EHMT1: variants seen among roughly 807,000 people sequenced by gnomAD.
EHMT1 encodes the protein histone-lysine N-methyltransferase EHMT1.
Under a neutral mutation model 147.2 loss-of-function variants are expected in EHMT1, and 15 were observed. The ratio of observed to expected loss-of-function variants is 0.10; its 90% CI spans 0.07 to 0.16. The LOEUF (loss-of-function observed/expected upper bound fraction) is 0.16, where lower values mean the gene tolerates loss of function less well. Ranked by LOEUF, EHMT1 falls within the 10% of genes least tolerant of loss-of-function variation. The pLI is 1.00. For synonymous variants in EHMT1, 795 were observed against 709.6 expected (o/e 1.12, Z -1.91); for missense variants, 1,587 against 1,772.4 (o/e 0.90, Z 1.88).
intron 8 of EHMT1, among the ~76,000 whole-genome samples, chr9:137,755,208 G>A (rs1349730920): frequency 1.3e-5 from 2 of 152,068 alleles, no homozygotes; most frequent in East Asian, 1.9e-4. Flanking sequence ...CTGTCACCCC[G>A]GGTCCCTCCT....
intron 1 of EHMT1, among the ~76,000 whole-genome samples, chr9:137,668,169 A>G (rs1939897520): frequency 6.6e-6 from 1 of 152,192 alleles, no homozygotes; most frequent in Non-Finnish European, 1.5e-5. Flanking sequence ...CGAGAAGACA[A>G]GGAGTGCTGA....
At chr9:137,802,242 G>C (rs1279501528) in intron 18 of EHMT1, among the ~76,000 whole-genome samples, 2 of 152,184 alleles carry the variant, frequency 1.3e-5, no homozygotes, top group Non-Finnish European at 2.9e-5. Context: ...CCCAAGACGG[G>C]CATAGACACA....
chr9:137,834,207 A>T, intron 25 of EHMT1, 142 bp from the exon 26 acceptor site: 1 of 1,101,032 alleles, frequency 9.1e-7, no homozygotes, highest in East Asian at 2.6e-5. Context: ...CCGCCGCCAC[A>T]GGTCACTGGA....
intron 4 of EHMT1, among the ~76,000 whole-genome samples, chr9:137,737,867 A>G (rs1263659297): frequency 2.0e-5 from 3 of 152,170 alleles, no homozygotes; most frequent in Admixed American, 2.0e-4. Context: ...AAAAAATCCC[A>G]CAACTCAACA....
intron 25 of EHMT1, among the ~76,000 whole-genome samples, chr9:137,819,598 G>C (rs1955227146): frequency 1.6e-5 from 2 of 126,602 alleles, no homozygotes; most frequent in Admixed American, 7.9e-5. Context: ...CGTGTACCGA[G>C]ACTGTAGAGA....
intron 16 of EHMT1, among the ~76,000 whole-genome samples, chr9:137,792,692 C>T (rs895411223): frequency 6.6e-6 from 1 of 152,006 alleles, no homozygotes; most frequent in Non-Finnish European, 1.5e-5. Context: ...GTGACAAGAG[C>T]GAAACTCTGT....
At chr9:137,715,771 C>T (rs554943875) in intron 2 of EHMT1, 1 of 985,376 alleles carries the variant, frequency 1.0e-6, no homozygotes, top group East Asian at 1.1e-4. Context: ...AGTATAAGCC[C>T]TTTTTCTGAC....
At chr9:137,696,960 G>A (rs1055092351) in intron 1 of EHMT1, among the ~76,000 whole-genome samples, 1 of 152,202 alleles carries the variant, frequency 6.6e-6, no homozygotes, top group Non-Finnish European at 1.5e-5. Context: ...CAGGACCCCA[G>A]AGCAGACCAC....
chr9:137,753,550 G>A (rs1949143231), intron 7 of EHMT1, among the ~76,000 whole-genome samples: 1 of 152,206 alleles, frequency 6.6e-6, no homozygotes, highest in Admixed American at 6.5e-5. Flanking sequence ...GTTGGTCAGC[G>A]AGGCCCACGT....
intron 9 of EHMT1, 114 bp from the exon 10 acceptor site, chr9:137,762,561 A>C: frequency 6.4e-7 from 1 of 1,556,812 alleles, no homozygotes; most frequent in Non-Finnish European, 8.7e-7. Flanking sequence ...AATCAACCGC[A>C]TTGCTTTCAT....
At chr9:137,669,213 C>T (rs1589181064) in intron 1 of EHMT1, among the ~76,000 whole-genome samples, 1 of 152,080 alleles carries the variant, frequency 6.6e-6, no homozygotes, top group Non-Finnish European at 1.5e-5. Context: ...ATGTATCCTT[C>T]ATGTCTCGTC....
chr9:137,788,052 C>G (rs1952137866), intron 15 of EHMT1: 1 of 1,364,350 alleles, frequency 7.3e-7, no homozygotes, highest in Non-Finnish European at 1.0e-6. Context: ...CCTGATGGCT[C>G]CCGCTGGCAA....
At chr9:137,679,447 T>C (rs1284825219) in intron 1 of EHMT1, among the ~76,000 whole-genome samples, 1 of 152,096 alleles carries the variant, frequency 6.6e-6, no homozygotes, top group Non-Finnish European at 1.5e-5. Context: ...GTTGCATTCA[T>C]TTGCTGATGT....
chr9:137,821,619 A>T (rs1955429713), intron 25 of EHMT1, among the ~76,000 whole-genome samples: 1 of 152,150 alleles, frequency 6.6e-6, no homozygotes, highest in East Asian at 1.9e-4. Context: ...GGAGTGAGCC[A>T]CTGTGCCCAG....
chr9:137,776,508 A>G lies in EHMT1; in HGVS notation c.1792-110A>G. On this transcript the variant is annotated intron_variant, in intron 11 of 26. Transcript: ENST00000460843. This position sits in a 1 kb window ranked among gnomAD's most constrained non-coding sequence, Gnocchi z 4.4. ...TGGACCCCACCCCGACCCATGGCTC[A>G]CTCTGCAGACCGCCCGATGTGGGAT... 2.7e-6 allele frequency: 3 copies of G among 1,099,800 alleles called. No individual in the cohort carries two copies. Among genetic ancestry groups the G allele is most frequent in the African/African-American group, 1.6e-5 (1 of 64,218 alleles). 68.1% of individuals were successfully genotyped at this position (1,099,800 alleles called of 1,614,324 possible).
At chr9:137,624,307 CTTTTT>C (rs1252295320) in intron 1 of EHMT1, among the ~76,000 whole-genome samples, 1 of 130,810 alleles carries the variant, frequency 7.6e-6, no homozygotes, top group African/African-American at 2.8e-5. Flanking sequence ...TGCCCGGCCT[CTTTTT>C]TTTTTTTTTT....
At chr9:137,818,387 G>A (rs1176625175) in intron 25 of EHMT1, among the ~76,000 whole-genome samples, 4 of 152,176 alleles carry the variant, frequency 2.6e-5, no homozygotes, top group Non-Finnish European at 4.4e-5. Context: ...TTGTGAGAGT[G>A]GGCCTGAGAC....
rs1018112921 is a variant in EHMT1 at position 137,784,101 on chromosome 9, C to A, written c.2382+1704C>A. ...TTATAAAGAAAAGAAATTTATTTCTCACAGTTCTGCAGGCTGGGAAGCCCA... is the reference window on the plus strand; with the variant it reads ...TTATAAAGAAAAGAAATTTATTTCTAACAGTTCTGCAGGCTGGGAAGCCCA... On this transcript the variant is annotated intron_variant, in intron 15 of 26. Coordinates refer to ENST00000460843, the MANE Select transcript of EHMT1 (RefSeq NM_024757.5). 5.3e-6 allele frequency: 7 copies of A among 1,312,430 alleles called. No homozygotes were observed. In the Admixed American group the frequency reaches 1.4e-4, roughly 26 times the overall value. The allele number at this position is 1,312,430 out of a possible 1,614,324, so 81.3% of individuals were successfully genotyped here.
chr9:137,817,320 G>C, intron 23 of EHMT1, 119 bp from the exon 24 acceptor site: 7 of 1,154,204 alleles, frequency 6.1e-6, no homozygotes, highest in Non-Finnish European at 7.7e-6. Context: ...CGAACGCTTC[G>C]GATACAGAAC....
Sources: allele counts gnomAD v4.1 joint callset (sites outside exome capture counted in the v4.1 genomes callset), GRCh38; gene constraint gnomAD v4.1.1; non-coding constraint Gnocchi (gnomAD v3.1); transcripts MANE v1.5; gene names NCBI Gene and HGNC (gene_info 2026-07-23, HGNC 2026-07-21).